The following ATP2A2 variants were observed in gnomAD, a reference collection of about 807,000 sequenced individuals.
ATP2A2 encodes ATPase sarcoplasmic/endoplasmic reticulum Ca2+ transporting 2, also known as sarcoplasmic/endoplasmic reticulum calcium ATPase 2.
A neutral mutation model predicts 109.3 loss-of-function variants in ATP2A2; 14 were observed. That is an observed-to-expected ratio of 0.13 (90% CI 0.08 to 0.20). ATP2A2 has a LOEUF of 0.20. Among genes scored for constraint, ATP2A2 ranks in the 10% least tolerant of loss-of-function variants. ATP2A2 has a pLI of 1.00. For synonymous variants in ATP2A2, 506 were observed against 490.9 expected, an observed-to-expected ratio of 1.03 and a Z score of -0.41; for missense variants, 657 against 1,321.6, an observed-to-expected ratio of 0.50 and a Z score of 7.80.
chr12:110,327,491 C>T lies in ATP2A2; in HGVS notation c.631-62C>T, dbSNP rs1177854095. 8 of 1,502,058 alleles carry T rather than the reference C, an allele frequency of 5.3e-6. No homozygotes were observed. The highest frequency in any genetic ancestry group is 4.1e-5 in the African/African-American group (3 of 72,642). The allele number at this position is 1,502,058 out of a possible 1,614,324, so 93.0% of individuals were successfully genotyped here. On this transcript the variant is annotated intron_variant, in intron 7 of 19. Coordinates refer to ENST00000539276, the MANE Select transcript of ATP2A2 (RefSeq NM_170665.4). The surrounding 1 kb of genome is among the most constrained non-coding windows in gnomAD (Gnocchi z 4.4). ...TCTGGGTGCCCTAGTCAAAAACCAG[C>T]GTCGGTATTTAAGTTGGGATGTGGT...
In ATP2A2 at chr12:110,348,335, T is replaced by TA; in HGVS notation, c.*1866dup. On this transcript the variant is annotated 3_prime_UTR_variant, in exon 20 of 20. Coordinates refer to ENST00000539276, the MANE Select transcript of ATP2A2 (RefSeq NM_170665.4). ...TCTGCAGGGGATGTTAAAGCACAGT[T>TA]AGTAGGACGTGGCTCTGCACAGCCC... The TA allele has an allele frequency of 3.0e-6, 3 of 985,120 alleles. No homozygotes were observed. The highest frequency in any genetic ancestry group is 3.6e-6 in the Non-Finnish European group (3 of 829,892). 61.0% of individuals were successfully genotyped at this position (985,120 alleles called of 1,614,324 possible). A position where few individuals can be genotyped will look rare whatever the true frequency, so the allele number is the denominator to read the frequency against.
intron 8 of ATP2A2, among the ~76,000 whole-genome samples, chr12:110,328,865 G>A (rs868836039): frequency 4.7e-4 from 72 of 152,246 alleles, no homozygotes; most frequent in African/African-American, 1.7e-3. Context: ...ACCACACTCA[G>A]CCTCCTTTCT....
At chr12:110,293,248 G>T (rs1225355837) in intron 4 of ATP2A2, among the ~76,000 whole-genome samples, 2 of 150,374 alleles carry the variant, frequency 1.3e-5, no homozygotes, top group Non-Finnish European at 3.0e-5. Context: ...GCTAATTTTT[G>T]TATTTTTAGT....
rs1592863763 is a variant in ATP2A2 at position 110,342,500 on chromosome 12, A to G, written c.2318+52A>G. ...CTGTACGCCTTTATCTAAATGGGTC[A>G]TGGAGCCCAGTTCTCGCAGTTTGCT... On this transcript the variant is annotated intron_variant, in intron 15 of 19. Transcript: ENST00000539276. The surrounding 1 kb of genome is among the most constrained non-coding windows in gnomAD (Gnocchi z 4.6). 13 of 1,578,460 alleles carry G rather than the reference A, an allele frequency of 8.2e-6. No homozygotes were observed. Among genetic ancestry groups the G allele is most frequent in the Non-Finnish European group, 1.1e-5 (13 of 1,152,822 alleles).
Position 110,281,917 on chromosome 12 carries a change from G to T in ATP2A2, c.118+10G>T. 6.4e-7 allele frequency: 1 copy of T among 1,566,994 alleles called. No homozygotes were observed. Among genetic ancestry groups the T allele is most frequent in the Non-Finnish European group, 8.6e-7 (1 of 1,158,338 alleles). Reference sequence around the variant, plus strand: ...AGATGGGGCTCCAACGGTAGGTGCAGGGCGCTCCGCTGCAGGGGCCCGGCG... The same window carrying T: ...AGATGGGGCTCCAACGGTAGGTGCATGGCGCTCCGCTGCAGGGGCCCGGCG... On this transcript the variant is annotated intron_variant, in intron 1 of 19. Coordinates refer to ENST00000539276, the MANE Select transcript of ATP2A2 (RefSeq NM_170665.4).
At chr12:110,290,655 T>C (rs554634375) in intron 3 of ATP2A2, among the ~76,000 whole-genome samples, 1 of 151,794 alleles carries the variant, frequency 6.6e-6, no homozygotes, top group Non-Finnish European at 1.5e-5. Context: ...CCCAGGCTGG[T>C]GTGCAGTGGT....
chr12:110,295,381 C>T (rs1016797319), intron 4 of ATP2A2, among the ~76,000 whole-genome samples: 1 of 152,084 alleles, frequency 6.6e-6, no homozygotes, highest in Non-Finnish European at 1.5e-5. Context: ...CCAGGTTGGT[C>T]TGGAACTCTT....
intron 5 of ATP2A2, among the ~76,000 whole-genome samples, chr12:110,297,328 G>A (rs1375804746): frequency 6.6e-6 from 1 of 151,330 alleles, no homozygotes; most frequent in Non-Finnish European, 1.5e-5. Flanking sequence ...CCAGCCACTT[G>A]TGAGGCTGCA....
chr12:110,293,854 G>A (rs1489679742), intron 4 of ATP2A2, among the ~76,000 whole-genome samples: 172 of 123,622 alleles, frequency 1.4e-3, no homozygotes, highest in Non-Finnish European at 2.2e-3. Flanking sequence ...GTGTGTGTGT[G>A]TGTGTGTGTG....
At chr12:110,310,686 A>T (rs1391921678) in intron 5 of ATP2A2, among the ~76,000 whole-genome samples, 1 of 152,230 alleles carries the variant, frequency 6.6e-6, no homozygotes, top group Non-Finnish European at 1.5e-5. Flanking sequence ...TAGCACTTGT[A>T]CAGAAATTGA....
chr12:110,339,278 T>C lies in ATP2A2; in HGVS notation c.1420-3T>C, dbSNP rs375686943. On this transcript the variant is annotated splice_region_variant and splice_polypyrimidine_tract_variant and intron_variant, in intron 11 of 19. Coordinates refer to ENST00000539276, the MANE Select transcript of ATP2A2 (RefSeq NM_170665.4). This position sits in a 1 kb window ranked among gnomAD's most constrained non-coding sequence, Gnocchi z 4.4. ...GTAGTATCCATATTTGTTCCCTTTG[T>C]AGGTCATTAAACAGCTGATGAAAAA... 80 of 1,613,910 alleles carry C rather than the reference T, an allele frequency of 5.0e-5. No homozygotes were observed. In the African/African-American group the frequency reaches 8.3e-4, roughly 17 times the overall value.
intron 3 of ATP2A2, among the ~76,000 whole-genome samples, chr12:110,287,728 C>T (rs1872810090): frequency 6.6e-6 from 1 of 151,904 alleles, no homozygotes; most frequent in South Asian, 2.1e-4. Context: ...GATTCTCCTG[C>T]CTCAGCCTCC....
chr12:110,301,648 C>T (rs575959990), intron 5 of ATP2A2, among the ~76,000 whole-genome samples: 3 of 152,328 alleles, frequency 2.0e-5, no homozygotes, highest in African/African-American at 7.2e-5. Context: ...AGTCCATTCT[C>T]CACACAAGTG....
intron 5 of ATP2A2, among the ~76,000 whole-genome samples, chr12:110,309,074 T>C (rs541074199): frequency 6.6e-6 from 1 of 151,672 alleles, no homozygotes; most frequent in East Asian, 1.9e-4. Context: ...GGCTGAACTT[T>C]TCAAAGACTA....
At position 110,340,903 on chromosome 12, in the gene ATP2A2, G is replaced by A; in HGVS notation, c.2006G>A (p.Cys669Tyr). Residue 669 changes from cysteine to tyrosine, a missense_variant, in exon 14 of 20, where the codon TGC becomes TAC. Around this residue, in one of 9 missense-constraint regions of ATP2A2, gnomAD observed 180 missense variants for 329.1 expected, o/e 0.55. Transcript: ENST00000539276. This position sits in a 1 kb window ranked among gnomAD's most constrained non-coding sequence, Gnocchi z 6.0. ...AACCCCTCCGCCCAGCGAGACGCCT[G>A]CCTGAACGCCCGCTGTTTTGCTCGA... Reference protein sequence around the residue: ...ELNPSAQRDACLNARCFARVE... With the variant: ...ELNPSAQRDAYLNARCFARVE... The A allele has an allele frequency of 6.2e-7, 1 of 1,614,230 alleles. No individual in the cohort carries two copies. Among genetic ancestry groups the A allele is most frequent in the Non-Finnish European group, 8.5e-7 (1 of 1,180,042 alleles).
At chr12:110,336,025 C>T (rs1442872843) in intron 11 of ATP2A2, among the ~76,000 whole-genome samples, 1 of 152,226 alleles carries the variant, frequency 6.6e-6, no homozygotes, top group Admixed American at 6.5e-5. Flanking sequence ...CTAATAGGTC[C>T]ACCAGACCAT....
At chr12:110,305,964 T>A (rs946380420) in intron 5 of ATP2A2, among the ~76,000 whole-genome samples, 1 of 152,154 alleles carries the variant, frequency 6.6e-6, no homozygotes, top group Non-Finnish European at 1.5e-5. Flanking sequence ...TATTGCATTT[T>A]TGGCGGGGGG....
Position 110,347,529 on chromosome 12 carries a change from T to A in ATP2A2, c.*1059T>A. 1 of 1,288,646 alleles carries A rather than the reference T, an allele frequency of 7.8e-7. No individual in the cohort carries two copies. Among genetic ancestry groups the A allele is most frequent in the Non-Finnish European group, 1.0e-6 (1 of 988,224 alleles). 79.8% of individuals were successfully genotyped at this position (1,288,646 alleles called of 1,614,324 possible). On this transcript the variant is annotated 3_prime_UTR_variant, in exon 20 of 20. Coordinates refer to ENST00000539276, the MANE Select transcript of ATP2A2 (RefSeq NM_170665.4). ...CTGTGATGTACATTTTATGCAAGTT[T>A]CTGCTGGCCTGGTATAGAGAACATA...
intron 5 of ATP2A2, among the ~76,000 whole-genome samples, chr12:110,308,257 A>G (rs116697127): frequency 1.2e-3 from 189 of 152,320 alleles, no homozygotes; most frequent in African/African-American, 4.4e-3. Flanking sequence ...CTCCAATACA[A>G]CGTTGAAGTA....
Sources: allele counts gnomAD v4.1 joint callset (sites outside exome capture counted in the v4.1 genomes callset), GRCh38; gene constraint gnomAD v4.1.1; regional missense constraint gnomAD v4.1.1; non-coding constraint Gnocchi (gnomAD v3.1); transcripts MANE v1.5; gene names NCBI Gene and HGNC (gene_info 2026-07-23, HGNC 2026-07-21).